TPO: variants seen among roughly 807,000 people sequenced by gnomAD.
TPO encodes the protein thyroid peroxidase.
TPO carries 78 observed loss-of-function variants against 96.9 expected under a neutral mutation model. The ratio of observed to expected loss-of-function variants is 0.81; its 90% confidence interval spans 0.67 to 0.97. The LOEUF is 0.97. Ranked by LOEUF, TPO falls within the 50% of genes least tolerant of loss-of-function variation. The pLI, the probability that TPO is intolerant of heterozygous loss-of-function variation, is 0.00. For missense variants in TPO, 1,252 were observed against 1,274.8 expected (o/e 0.98, Z 0.27); for synonymous variants, 547 against 538.0 (o/e 1.02, Z -0.23).
In TPO at chr2:1,423,073, C is replaced by T. The variant is rs572043824; in HGVS notation, c.123C>T (p.Ser41=). 6 of 1,614,050 alleles carry T rather than the reference C, an allele frequency of 3.7e-6. No individual in the cohort carries two copies. In the Admixed American group the frequency reaches 1.0e-4, roughly 27 times the overall value. ...WGKPEESRVS[S]VLEESKRLVD... ...AGCCTGAGGAGTCTCGTGTCTCTAG[C>T]GTCTTGGAGGAAAGCAAGCGCCTGG... Residue 41 remains serine (S), a synonymous_variant, in exon 3 of 17, where the codon AGC becomes AGT. Transcript: ENST00000329066.
At chr2:1,502,569 T>C (rs181134799) in intron 13 of TPO, among the ~76,000 whole-genome samples, 34 of 152,214 alleles carry the variant, frequency 2.2e-4, no homozygotes, top group Non-Finnish European at 4.4e-4. Flanking sequence ...TTTGTATTTT[T>C]AGTGGAGATG....
chr2:1,412,587 T>C (rs1164841612), upstream of TPO, among the ~76,000 whole-genome samples: 1 of 151,544 alleles, frequency 6.6e-6, no homozygotes, highest in East Asian at 2.0e-4. Context: ...CAAAGATTAA[T>C]GTTCTGAAGC....
intron 7 of TPO, among the ~76,000 whole-genome samples, chr2:1,476,853 G>T (rs565962554): frequency 4.0e-5 from 6 of 150,412 alleles, no homozygotes; most frequent in Non-Finnish European, 8.9e-5. Context: ...AGCAGGCCAG[G>T]GGGGAGGTGG....
At chr2:1,497,225 T>G (rs1168387587) in intron 13 of TPO, among the ~76,000 whole-genome samples, 1 of 152,202 alleles carries the variant, frequency 6.6e-6, no homozygotes, top group Non-Finnish European at 1.5e-5. Context: ...CCCGCATGTT[T>G]AGGTGTGGAC....
intron 4 of TPO, among the ~76,000 whole-genome samples, chr2:1,434,619 TGGG>T (rs1665369013): frequency 6.6e-6 from 1 of 152,168 alleles, no homozygotes; most frequent in African/African-American, 2.4e-5. Context: ...TCAGAAGATG[TGGG>T]TCTTTCTGGT....
intron 15 of TPO, among the ~76,000 whole-genome samples, chr2:1,539,258 G>C (rs1167144734): frequency 6.6e-6 from 1 of 152,162 alleles, no homozygotes; most frequent in Non-Finnish European, 1.5e-5. Context: ...ATAGAAGCTG[G>C]CATTGGTGCT....
At chr2:1,526,810 C>G (rs1453219864) in intron 15 of TPO, among the ~76,000 whole-genome samples, 7 of 141,306 alleles carry the variant, frequency 5.0e-5, no homozygotes, top group Non-Finnish European at 1.5e-5. Flanking sequence ...CCCAAATCCC[C>G]CCCAATCTAT....
chr2:1,534,807 T>TG (rs1679188633), intron 15 of TPO, among the ~76,000 whole-genome samples: 1 of 112,916 alleles, frequency 8.9e-6, no homozygotes. Context: ...CCTCCCCAAA[T>TG]CCCCCCCACT....
intron 1 of TPO, among the ~76,000 whole-genome samples, chr2:1,399,124 A>G (rs1254790275): frequency 6.6e-6 from 1 of 151,948 alleles, no homozygotes; most frequent in Non-Finnish European, 1.5e-5. Context: ...GCAGGACAGG[A>G]CTCTGGGTTC....
At chr2:1,384,384 C>T (rs1325944820) in intron 1 of TPO, among the ~76,000 whole-genome samples, 1 of 152,132 alleles carries the variant, frequency 6.6e-6, no homozygotes, top group Non-Finnish European at 1.5e-5. Flanking sequence ...TCTTTTATTT[C>T]ATTGAGCAGT....
intron 1 of TPO, among the ~76,000 whole-genome samples, chr2:1,392,835 G>T (rs1166592672): frequency 6.6e-6 from 1 of 152,006 alleles, no homozygotes; most frequent in African/African-American, 2.4e-5. Flanking sequence ...GGGATTGGTG[G>T]TGATATCCCC....
chr2:1,522,305 A>G lies in TPO; in HGVS notation c.2618+5323A>G, dbSNP rs55804505. On this transcript the variant is annotated intron_variant, in intron 15 of 16. Transcript: ENST00000329066. ...ACACCGGCCCTGCCACCTTGCCCTC[A>G]CAGTCTCTCTACCCCACACCTGCCT... 5.5e-4 allele frequency among the ~76,000 whole-genome samples: 16 copies of G among 29,116 alleles called. 1 individual carries two copies. The highest frequency in any genetic ancestry group is 1.5e-3 in the African/African-American group (12 of 7,920). 19.1% of individuals were successfully genotyped at this position (29,116 alleles called of 152,430 possible).
intron 10 of TPO, among the ~76,000 whole-genome samples, chr2:1,488,866 C>G (rs909653802): frequency 1.3e-5 from 2 of 152,212 alleles, no homozygotes; most frequent in Non-Finnish European, 2.9e-5. Context: ...AGCAGCCACA[C>G]AGGCTGTGAA....
At chr2:1,533,144 C>T (rs1333294277) in intron 15 of TPO, among the ~76,000 whole-genome samples, 18 of 135,248 alleles carry the variant, frequency 1.3e-4, no homozygotes, top group African/African-American at 4.1e-4. Context: ...GTGCAACGTC[C>T]CCAAATCCCC....
chr2:1,481,724 AAGAG>A (rs1191807761), intron 8 of TPO, among the ~76,000 whole-genome samples: 5 of 152,228 alleles, frequency 3.3e-5, no homozygotes, highest in African/African-American at 1.2e-4. Context: ...GCTGGAAAGA[AAGAG>A]AAAGGGCCGT....
chr2:1,520,511 C>T (rs1468638738), intron 15 of TPO, among the ~76,000 whole-genome samples: 1 of 152,172 alleles, frequency 6.6e-6, no homozygotes, highest in African/African-American at 2.4e-5. Flanking sequence ...TCTCTACTCT[C>T]CTCGTTTTCT....
At chr2:1,397,564 G>A (rs754988978) in intron 1 of TPO, among the ~76,000 whole-genome samples, 2 of 152,138 alleles carry the variant, frequency 1.3e-5, no homozygotes, top group Non-Finnish European at 2.9e-5. Context: ...GCCAGCTCTC[G>A]GCCCTCTGCT....
intron 1 of TPO, among the ~76,000 whole-genome samples, chr2:1,377,287 G>A (rs562493412): frequency 1.4e-4 from 21 of 152,104 alleles, no homozygotes; most frequent in African/African-American, 3.9e-4. Context: ...ATTGGAATAC[G>A]GTCTTTCTCT....
At chr2:1,494,123 C>A in intron 11 of TPO, 84 bp downstream of exon 11, 2 of 1,328,156 alleles carry the variant, frequency 1.5e-6, no homozygotes, top group Non-Finnish European at 2.2e-6. Flanking sequence ...GCCAGACCTG[C>A]ATTCACATTC....
Sources: allele counts gnomAD v4.1 joint callset (sites outside exome capture counted in the v4.1 genomes callset), GRCh38; gene constraint gnomAD v4.1.1; transcripts MANE v1.5; gene names NCBI Gene and HGNC (gene_info 2026-07-23, HGNC 2026-07-21).